The following TMEM132C variants were observed in gnomAD, a reference collection of about 807,000 sequenced individuals.
TMEM132C encodes transmembrane protein 132C.
In TMEM132C, 29 loss-of-function variants were observed where a neutral mutation model predicts 61.4. The ratio of observed to expected loss-of-function variants is 0.47; its 90% CI spans 0.35 to 0.64. TMEM132C has a LOEUF of 0.64. Ranked by LOEUF, TMEM132C falls within the 30% of genes least tolerant of loss-of-function variation. The pLI is 0.00. For synonymous variants in TMEM132C, 656 were observed against 633.1 expected (o/e 1.04, Z -0.54); for missense variants, 1,408 against 1,476.9 (o/e 0.95, Z 0.76).
intron 3 of TMEM132C, among the ~76,000 whole-genome samples, chr12:128,554,761 G>A (rs895440769): frequency 2.0e-5 from 3 of 152,110 alleles, no homozygotes; most frequent in African/African-American, 7.2e-5. Flanking sequence ...AGAGCACATC[G>A]CACAGACGCT....
In TMEM132C at chr12:128,564,919, C is replaced by T. The variant is rs558222528; in HGVS notation, c.1121+20816C>T. Among the ~76,000 whole-genome samples, 40 of 152,240 alleles carry T rather than the reference C, an allele frequency of 2.6e-4. 2 individuals carry two copies. The South Asian group carries it at 7.5e-3, about 28-fold the overall frequency. On this transcript the variant is annotated intron_variant, in intron 3 of 8. Transcript: ENST00000435159. ...CTTTAAACAATCCTGTCCTCTTCCACGGGCTAGACTGGCAATGTTTTTAAC... is the reference window on the plus strand; with the variant it reads ...CTTTAAACAATCCTGTCCTCTTCCATGGGCTAGACTGGCAATGTTTTTAAC...
intron 3 of TMEM132C, among the ~76,000 whole-genome samples, chr12:128,609,499 G>A (rs934451525): frequency 5.9e-5 from 9 of 151,892 alleles, no homozygotes; most frequent in African/African-American, 2.2e-4. Context: ...CTCAAGTGAT[G>A]CACCTGCCTT....
At chr12:128,371,625 T>C (rs1874030756) in intron 1 of TMEM132C, among the ~76,000 whole-genome samples, 5 of 152,232 alleles carry the variant, frequency 3.3e-5, no homozygotes, top group Admixed American at 2.6e-4. Flanking sequence ...TAGGCTGGAA[T>C]GCAGTGGCAC....
intron 8 of TMEM132C, among the ~76,000 whole-genome samples, 164 bp downstream of exon 8, chr12:128,697,579 C>T (rs932379910): frequency 3.3e-5 from 5 of 152,326 alleles, no homozygotes; most frequent in African/African-American, 1.2e-4. Flanking sequence ...ACCCACATAG[C>T]TTTTGAGCAA....
chr12:128,582,674 G>A (rs145577506), intron 3 of TMEM132C, among the ~76,000 whole-genome samples: 13 of 152,186 alleles, frequency 8.5e-5, no homozygotes, highest in South Asian at 4.2e-4. Context: ...TCTTGCCACC[G>A]CCATGTAAAA....
At chr12:128,458,280 T>A (rs990292369) in intron 2 of TMEM132C, among the ~76,000 whole-genome samples, 1 of 90,964 alleles carries the variant, frequency 1.1e-5, no homozygotes, top group Non-Finnish European at 2.1e-5. Flanking sequence ...AATTATAATA[T>A]TTAGTATTGT....
chr12:128,295,328 C>T (rs978068303), intron 1 of TMEM132C, among the ~76,000 whole-genome samples: 1 of 152,166 alleles, frequency 6.6e-6, no homozygotes, highest in Non-Finnish European at 1.5e-5. Context: ...TGAGTCAACA[C>T]ACCCAGTCCC....
intron 1 of TMEM132C, among the ~76,000 whole-genome samples, chr12:128,286,069 C>G (rs183685481): frequency 0.015 from 2,176 of 149,934 alleles, 56 homozygotes; most frequent in African/African-American, 0.051. Flanking sequence ...CTTCCTCTCT[C>G]TCTCTCTCTC....
chr12:128,588,771 C>T (rs1041987202), intron 3 of TMEM132C, among the ~76,000 whole-genome samples: 1 of 152,194 alleles, frequency 6.6e-6, no homozygotes, highest in Non-Finnish European at 1.5e-5. Context: ...GAAGGACCCT[C>T]GTCAGACACC....
chr12:128,654,473 G>A (rs1279902124), intron 4 of TMEM132C, among the ~76,000 whole-genome samples: 1 of 152,124 alleles, frequency 6.6e-6, no homozygotes, highest in East Asian at 1.9e-4. Flanking sequence ...ATGCCATCCC[G>A]TTTGCTGTAC....
intron 2 of TMEM132C, among the ~76,000 whole-genome samples, chr12:128,488,392 G>A (rs1871576417): frequency 6.6e-6 from 1 of 152,180 alleles, no homozygotes; most frequent in South Asian, 2.1e-4. Flanking sequence ...TAGGTGTGGT[G>A]GCTCACACCT....
intron 1 of TMEM132C, among the ~76,000 whole-genome samples, chr12:128,323,924 G>A (rs1872421710): frequency 6.6e-6 from 1 of 152,186 alleles, no homozygotes; most frequent in African/African-American, 2.4e-5. Context: ...GAAAGAGAGG[G>A]AGGGAAGTCC....
At chr12:128,464,849 G>A (rs1870675204) in intron 2 of TMEM132C, among the ~76,000 whole-genome samples, 2 of 147,478 alleles carry the variant, frequency 1.4e-5, no homozygotes, top group African/African-American at 5.0e-5. Context: ...TAACACAGAT[G>A]AGAAGAGCAG....
intron 1 of TMEM132C, among the ~76,000 whole-genome samples, chr12:128,355,916 T>A: frequency 6.6e-6 from 1 of 152,152 alleles, no homozygotes; most frequent in Non-Finnish European, 1.5e-5. Context: ...TTTACCCCCT[T>A]CCTGCCTTGT....
intron 4 of TMEM132C, among the ~76,000 whole-genome samples, chr12:128,636,506 C>G (rs1043205266): frequency 3.9e-5 from 6 of 151,944 alleles, no homozygotes; most frequent in Admixed American, 2.0e-4. Flanking sequence ...CGTCACCTCC[C>G]AAAGTTTACT....
chr12:128,664,011 C>G (rs560693643), intron 4 of TMEM132C, among the ~76,000 whole-genome samples: 1 of 147,298 alleles, frequency 6.8e-6, no homozygotes, highest in Non-Finnish European at 1.5e-5. Flanking sequence ...CAGGCACACA[C>G]GCATACACAC....
chr12:128,698,258 G>T (rs1954779690), intron 8 of TMEM132C, among the ~76,000 whole-genome samples: 1 of 152,110 alleles, frequency 6.6e-6, no homozygotes, highest in African/African-American at 2.4e-5. Context: ...TTAGAATTGG[G>T]CTGGAAGACA....
chr12:128,666,096 C>T (rs1362459410), intron 4 of TMEM132C, among the ~76,000 whole-genome samples: 1 of 136,528 alleles, frequency 7.3e-6, no homozygotes, highest in Non-Finnish European at 1.6e-5. Context: ...CACACAGGCA[C>T]ACATACCCAT....
At chr12:128,567,711 G>C (rs940893044) in intron 3 of TMEM132C, among the ~76,000 whole-genome samples, 41 of 152,258 alleles carry the variant, frequency 2.7e-4, no homozygotes, top group African/African-American at 9.6e-4. Context: ...CACGTGGCAG[G>C]ATGATAGGCA....
Sources: gnomAD v4.1 joint callset for allele counts (sites outside exome capture counted in the v4.1 genomes callset) on GRCh38, gnomAD v4.1.1 for gene constraint, MANE v1.5 for transcripts, NCBI Gene and HGNC (gene_info 2026-07-23, HGNC 2026-07-21) for gene names.